TUSC3: variants seen among roughly 807,000 people sequenced by gnomAD.
The protein encoded by TUSC3 is dolichyl-diphosphooligosaccharide--protein glycosyltransferase subunit TUSC3.
In TUSC3, 45 loss-of-function variants were observed where a neutral mutation model predicts 44.8. The observed-to-expected ratio is 1.00, with a 90% CI of 0.79 to 1.29. The LOEUF (loss-of-function observed/expected upper bound fraction) is 1.29. TUSC3 is among the 50% of genes most tolerant of loss of function. TUSC3 has a pLI of 0.00. For missense variants in TUSC3, 519 were observed against 437.9 expected, an observed-to-expected ratio of 1.19 and a Z score of -1.65; for synonymous variants, 212 against 152.9, an observed-to-expected ratio of 1.39 and a Z score of -2.85.
chr8:15,617,599 T>C (rs1041755570), intron 1 of TUSC3, among the ~76,000 whole-genome samples: 1 of 152,362 alleles, frequency 6.6e-6, no homozygotes, highest in East Asian at 1.9e-4. Flanking sequence ...AACTATGGTG[T>C]ACTCATTAAG....
chr8:15,592,900 T>G (rs1579450), intron 1 of TUSC3, among the ~76,000 whole-genome samples: 28,939 of 152,018 alleles, frequency 0.19, 3,600 homozygotes, highest in Non-Finnish European at 0.28. Flanking sequence ...CCAGTAGTGT[T>G]GTCATCAGGA....
At chr8:15,485,274 A>G (rs966626714) in intron 2 of TUSC3, among the ~76,000 whole-genome samples, 1 of 152,192 alleles carries the variant, frequency 6.6e-6, no homozygotes, top group Non-Finnish European at 1.5e-5. Context: ...TACTTCTTCT[A>G]TAATTCCACC....
At chr8:15,712,016 A>T (rs1373824090) in intron 6 of TUSC3, among the ~76,000 whole-genome samples, 1 of 151,920 alleles carries the variant, frequency 6.6e-6, no homozygotes, top group African/African-American at 2.4e-5. Flanking sequence ...TTTTCCTTCC[A>T]AGAAGAAAAC....
chr8:15,784,544 GTA>G, the TUSC3 span, among the ~76,000 whole-genome samples: 1 of 151,796 alleles, frequency 6.6e-6, no homozygotes. Flanking sequence ...ATGTGTGTGT[GTA>G]TGCACACACA....
chr8:15,807,098 A>G, the TUSC3 span: 5 of 1,298,270 alleles, frequency 3.9e-6, no homozygotes, highest in African/African-American at 5.8e-5. Context: ...GAGAACCAGG[A>G]TGCCCGTTAT....
At chr8:15,523,702 G>GTATATATATATATATATA (rs1563273682) in intron 2 of TUSC3, among the ~76,000 whole-genome samples, 7 of 112,040 alleles carry the variant, frequency 6.2e-5, no homozygotes, top group African/African-American at 2.8e-4. Context: ...GTGTGTGTGT[G>GTATATATATATATATATA]TGTGTGTATA....
intron 1 of TUSC3, among the ~76,000 whole-genome samples, chr8:15,455,307 C>G (rs1310331296): frequency 6.6e-6 from 1 of 152,044 alleles, no homozygotes; most frequent in Non-Finnish European, 1.5e-5. Context: ...GAGAAAAGCC[C>G]TAACATGTAG....
At chr8:15,455,041 A>C (rs897789017) in intron 1 of TUSC3, among the ~76,000 whole-genome samples, 1 of 152,148 alleles carries the variant, frequency 6.6e-6, no homozygotes, top group Non-Finnish European at 1.5e-5. Context: ...ATGTTTTGAG[A>C]TCTTTGGGGA....
intron 2 of TUSC3, among the ~76,000 whole-genome samples, chr8:15,533,832 G>A (rs1801482917): frequency 6.6e-6 from 1 of 152,136 alleles, no homozygotes; most frequent in Non-Finnish European, 1.5e-5. Flanking sequence ...GGTTATCTTG[G>A]GGCTGACATC....
the TUSC3 span, among the ~76,000 whole-genome samples, chr8:15,851,825 G>C: frequency 6.6e-6 from 1 of 152,060 alleles, no homozygotes; most frequent in Non-Finnish European, 1.5e-5. Context: ...TTGTATTGTA[G>C]CTCCCATAAT....
intron 1 of TUSC3, among the ~76,000 whole-genome samples, chr8:15,475,708 T>G (rs1411769707): frequency 6.6e-6 from 1 of 152,156 alleles, no homozygotes; most frequent in African/African-American, 2.4e-5. Context: ...TTGGCTTAAG[T>G]GTGTTGTTGT....
chr8:15,747,455 A>G (rs891450739), intron 8 of TUSC3, among the ~76,000 whole-genome samples: 1 of 143,526 alleles, frequency 7.0e-6, no homozygotes, highest in African/African-American at 2.4e-5. Flanking sequence ...AATTTTATTT[A>G]AATATCTTTG....
the TUSC3 span, among the ~76,000 whole-genome samples, chr8:15,773,923 C>T: frequency 4.6e-5 from 7 of 152,230 alleles, no homozygotes; most frequent in African/African-American, 1.2e-4. Flanking sequence ...ACGATGTAAA[C>T]TTAAGGGCTA....
downstream of TUSC3, among the ~76,000 whole-genome samples, chr8:15,770,775 G>C (rs1833440): frequency 0.27 from 41,570 of 151,812 alleles, 6,054 homozygotes; most frequent in East Asian, 0.45. Flanking sequence ...CAGACCAAAA[G>C]ACTGTTAGAC....
At chr8:15,617,120 A>ATGTGTGTGTATGTGTGTGTGTGTGTG (rs1805021741) in intron 1 of TUSC3, among the ~76,000 whole-genome samples, 1 of 123,720 alleles carries the variant, frequency 8.1e-6, no homozygotes, top group African/African-American at 3.3e-5. Flanking sequence ...TATCTGTAAA[A>ATGTGTGTGTATGTGTGTGTGTGTGTG]TGTGTGTGTG....
intron 2 of TUSC3, among the ~76,000 whole-genome samples, chr8:15,629,576 G>T (rs1585170859): frequency 1.6e-5 from 2 of 127,600 alleles, no homozygotes; most frequent in Admixed American, 1.7e-4. Flanking sequence ...TTTTTCACGT[G>T]AATTACTCCT....
At chr8:15,684,322 G>A (rs1313292956) in intron 6 of TUSC3, among the ~76,000 whole-genome samples, 1 of 152,164 alleles carries the variant, frequency 6.6e-6, no homozygotes, top group Non-Finnish European at 1.5e-5. Flanking sequence ...GTCAGAGTGA[G>A]TTGTGGAGTG....
At chr8:15,740,724 G>T (rs1811156205) in intron 7 of TUSC3, among the ~76,000 whole-genome samples, 1 of 152,120 alleles carries the variant, frequency 6.6e-6, no homozygotes, top group Non-Finnish European at 1.5e-5. Flanking sequence ...CAGTATGATT[G>T]TACGTAGCGA....
chr8:15,723,793 A>T (rs1024066459), intron 6 of TUSC3, among the ~76,000 whole-genome samples: 1 of 152,204 alleles, frequency 6.6e-6, no homozygotes, highest in Non-Finnish European at 1.5e-5. Flanking sequence ...TTTCCTGGAC[A>T]TTAGTATCCT....
Sources: gnomAD v4.1 joint callset for allele counts (sites outside exome capture counted in the v4.1 genomes callset) on GRCh38, gnomAD v4.1.1 for gene constraint, MANE v1.5 for transcripts, NCBI Gene and HGNC (gene_info 2026-07-23, HGNC 2026-07-21) for gene names.